PRDM5: variants seen among roughly 807,000 people sequenced by gnomAD.
PRDM5 encodes the protein PR/SET domain 5.
In PRDM5, 56 loss-of-function variants were observed where a neutral mutation model predicts 81.2. That is an observed-to-expected ratio of 0.69 (90% CI 0.56 to 0.86). The LOEUF (loss-of-function observed/expected upper bound fraction) is 0.86, where lower values mean the gene tolerates loss of function less well. Ranked by LOEUF, PRDM5 falls within the 40% of genes least tolerant of loss-of-function variation. PRDM5 has a pLI of 0.00. For missense variants in PRDM5, 697 were observed against 770.1 expected (o/e 0.91, Z 1.12); for synonymous variants, 267 against 256.4 (o/e 1.04, Z -0.39).
At chr4:120,799,881 G>A (rs768832513) in intron 8 of PRDM5, 136 bp from the exon 9 acceptor site, 177 of 1,446,538 alleles carry the variant, frequency 1.2e-4, no homozygotes, top group Non-Finnish European at 1.5e-4. Flanking sequence ...GCCCTAATTT[G>A]TTCACACTAA....
chr4:120,854,727 G>A (rs1759674920), intron 2 of PRDM5, among the ~76,000 whole-genome samples: 1 of 152,010 alleles, frequency 6.6e-6, no homozygotes, highest in Non-Finnish European at 1.5e-5. Flanking sequence ...AACTAAAACA[G>A]AGCAGGAGAA....
intron 15 of PRDM5, among the ~76,000 whole-genome samples, chr4:120,708,261 G>T (rs1194045643): frequency 6.6e-6 from 1 of 151,974 alleles, no homozygotes; most frequent in Non-Finnish European, 1.5e-5. Context: ...ACAGATGAAT[G>T]GATAAACAAA....
chr4:120,828,704 A>G (rs1458770738), intron 3 of PRDM5, among the ~76,000 whole-genome samples: 1 of 152,086 alleles, frequency 6.6e-6, no homozygotes, highest in Admixed American at 6.6e-5. Flanking sequence ...CAAAACATAC[A>G]GTTAACTTTG....
At chr4:120,899,638 C>T (rs1333773943) in intron 2 of PRDM5, among the ~76,000 whole-genome samples, 1 of 152,154 alleles carries the variant, frequency 6.6e-6, no homozygotes, top group African/African-American at 2.4e-5. Flanking sequence ...TTTCCCCCAT[C>T]ACACACCAAG....
At chr4:120,753,535 C>T (rs900527519) in intron 14 of PRDM5, among the ~76,000 whole-genome samples, 3 of 152,064 alleles carry the variant, frequency 2.0e-5, no homozygotes, top group Admixed American at 6.6e-5. Context: ...ATAGCTTTTA[C>T]GTGCTGCAGA....
intron 14 of PRDM5, among the ~76,000 whole-genome samples, chr4:120,717,138 C>T (rs768914757): frequency 6.6e-6 from 1 of 150,852 alleles, no homozygotes; most frequent in Non-Finnish European, 1.5e-5. Context: ...TACACTTTAA[C>T]TCATTAGCTG....
intron 12 of PRDM5, among the ~76,000 whole-genome samples, chr4:120,779,999 TA>T (rs1288390754): frequency 2.0e-5 from 3 of 151,904 alleles, no homozygotes; most frequent in East Asian, 1.9e-4. Context: ...AATTAAATAT[TA>T]AAAAAATACA....
At chr4:120,783,752 G>A (rs2149246011) in intron 11 of PRDM5, among the ~76,000 whole-genome samples, 1 of 152,106 alleles carries the variant, frequency 6.6e-6, no homozygotes, top group Admixed American at 6.6e-5. Context: ...AACTTCTTTA[G>A]ACCTGTAAGC....
chr4:120,697,959 AAAAT>A (rs869097680), intron 15 of PRDM5, among the ~76,000 whole-genome samples: 16 of 63,210 alleles, frequency 2.5e-4, no homozygotes, highest in South Asian at 1.1e-3. Flanking sequence ...CAAATAAAAT[AAAAT>A]AAAAAAAAAG....
chr4:120,721,181 G>A (rs190086199), intron 14 of PRDM5, among the ~76,000 whole-genome samples: 4 of 152,272 alleles, frequency 2.6e-5, no homozygotes, highest in African/African-American at 4.8e-5. Flanking sequence ...TGGGGCTGCA[G>A]GGTGACTCAA....
intron 8 of PRDM5, among the ~76,000 whole-genome samples, chr4:120,809,136 C>T (rs531107519): frequency 5.3e-5 from 8 of 152,176 alleles, no homozygotes; most frequent in East Asian, 1.9e-4. Context: ...CTCTCATTAT[C>T]GCAAGGACAA....
intron 7 of PRDM5, chr4:120,816,116 C>A: frequency 3.3e-6 from 1 of 305,174 alleles, no homozygotes; most frequent in Non-Finnish European, 6.3e-6. Flanking sequence ...TAAATTTTAA[C>A]AATTTATAAA....
intron 8 of PRDM5, among the ~76,000 whole-genome samples, chr4:120,801,669 G>A (rs1390807318): frequency 1.3e-5 from 2 of 152,206 alleles, no homozygotes; most frequent in African/African-American, 4.8e-5. Flanking sequence ...CTGTATGACT[G>A]CCTGCACAAG....
intron 1 of PRDM5, among the ~76,000 whole-genome samples, chr4:120,911,110 C>T (rs1018432013): frequency 1.3e-5 from 2 of 152,116 alleles, no homozygotes; most frequent in African/African-American, 4.8e-5. Flanking sequence ...AGATACCCAA[C>T]CATAAACATG....
In PRDM5 at chr4:120,765,442, G is replaced by A. The variant is rs181208892; in HGVS notation, c.1538-10804C>T. Among the ~76,000 whole-genome samples, 16 of 152,258 alleles carry A rather than the reference G, an allele frequency of 1.1e-4. No homozygotes were observed. The East Asian group carries it at 2.7e-3, about 26-fold the overall frequency. On this transcript the variant is annotated intron_variant, in intron 13 of 15. Transcript: ENST00000264808. ...ACTGATGGAATTCATGTCACAGTCC[G>A]TGGATTCCCTTGCTGAATTAACCTC...
intron 10 of PRDM5, among the ~76,000 whole-genome samples, chr4:120,797,727 G>T (rs1263192032): frequency 6.6e-6 from 1 of 152,148 alleles, no homozygotes; most frequent in African/African-American, 2.4e-5. Flanking sequence ...TGAAACTTGG[G>T]ATTAAAGAAA....
intron 13 of PRDM5, among the ~76,000 whole-genome samples, chr4:120,760,035 G>A (rs1049212046): frequency 2.0e-5 from 3 of 152,124 alleles, no homozygotes; most frequent in African/African-American, 7.2e-5. Flanking sequence ...GGAAAGTAAG[G>A]CACAGAAAGG....
chr4:120,817,547 TTTACA>T (rs1326254474), intron 5 of PRDM5, among the ~76,000 whole-genome samples: 1 of 152,106 alleles, frequency 6.6e-6, no homozygotes, highest in African/African-American at 2.4e-5. Flanking sequence ...GATGGGACAA[TTTACA>T]TTACTTTCAT....
rs13138000 is a variant in PRDM5, at chr4:120,694,633, A to G, written c.*478T>C. 0.16 allele frequency: 25,471 copies of G among 159,870 alleles called. 2,602 individuals are homozygous for G. Among genetic ancestry groups the G allele is most frequent in the Non-Finnish European group, 0.24 (17,121 of 72,082 alleles). 9.9% of individuals were successfully genotyped at this position (159,870 alleles called of 1,614,324 possible). A position where few individuals can be genotyped will look rare whatever the true frequency, so the allele number is the denominator to read the frequency against. On this transcript the variant is annotated 3_prime_UTR_variant, in exon 16 of 16. Coordinates refer to ENST00000264808, the MANE Select transcript of PRDM5 (RefSeq NM_018699.4). ...ATAACTTATTCTTATCCTCATCTGC[A>G]AAGAAATAGTTGGATATCTTGATTT...
Sources: gnomAD v4.1 joint callset for allele counts (sites outside exome capture counted in the v4.1 genomes callset) on GRCh38, gnomAD v4.1.1 for gene constraint, MANE v1.5 for transcripts, NCBI Gene and HGNC (gene_info 2026-07-23, HGNC 2026-07-21) for gene names.